The following ACACA variants were observed in gnomAD, a reference collection of about 807,000 sequenced individuals.
ACACA encodes acetyl-CoA carboxylase 1.
In ACACA, 103 loss-of-function variants were observed where a neutral mutation model predicts 296.1. The ratio of observed to expected loss-of-function variants is 0.35; its 90% CI spans 0.30 to 0.41. The LOEUF (loss-of-function observed/expected upper bound fraction) is 0.41. ACACA is among the 10% of genes least tolerant of loss of function. ACACA has a pLI of 1.00. For missense variants in ACACA, 1,554 were observed against 2,989.7 expected (o/e 0.52, Z 11.20); for synonymous variants, 953 against 1,038.6 (o/e 0.92, Z 1.58).
At chr17:37,150,889 T>C (rs1175359638) in intron 44 of ACACA, among the ~76,000 whole-genome samples, 1 of 151,154 alleles carries the variant, frequency 6.6e-6, no homozygotes, top group Non-Finnish European at 1.5e-5. Context: ...CCGGCTCTAT[T>C]AAAAATATGA....
intron 3 of ACACA, among the ~76,000 whole-genome samples, chr17:37,321,715 T>C (rs1289757890): frequency 6.8e-6 from 1 of 146,998 alleles, no homozygotes; most frequent in Admixed American, 6.8e-5. Flanking sequence ...GCCACTGCCC[T>C]CCAGCCTGGG....
At chr17:37,296,512 A>G (rs933064922) in intron 3 of ACACA, among the ~76,000 whole-genome samples, 2 of 151,372 alleles carry the variant, frequency 1.3e-5, no homozygotes, top group South Asian at 2.1e-4. Flanking sequence ...TCACCATGTT[A>G]GCCAGGATGG....
At chr17:37,363,602 G>T (rs1185715860) in intron 1 of ACACA, among the ~76,000 whole-genome samples, 1 of 152,130 alleles carries the variant, frequency 6.6e-6, no homozygotes, top group Non-Finnish European at 1.5e-5. Flanking sequence ...GAACAACAAG[G>T]CCTTCAATAC....
At chr17:37,371,075 A>AT (rs915398438) in intron 1 of ACACA, among the ~76,000 whole-genome samples, 2 of 151,848 alleles carry the variant, frequency 1.3e-5, no homozygotes, top group African/African-American at 4.8e-5. Flanking sequence ...AGAGAGTTCA[A>AT]TTTTTTTGTT....
Position 37,248,579 on chromosome 17 carries a change from G to A in ACACA, c.2163+14C>T. 1.3e-6 allele frequency: 2 copies of A among 1,572,304 alleles called. No homozygotes were observed. The highest frequency in any genetic ancestry group is 1.7e-6 in the Non-Finnish European group (2 of 1,142,954). On this transcript the variant is annotated intron_variant, in intron 17 of 55. Coordinates refer to ENST00000616317, the MANE Select transcript of ACACA (RefSeq NM_198834.3). ...AAAAAAGTAAGGTGCAAGCTCCAAT[G>A]GGGTTCTGCATACCTTAAGTACATA...
At chr17:37,274,968 G>A (rs1032145989) in intron 8 of ACACA, among the ~76,000 whole-genome samples, 12 of 145,222 alleles carry the variant, frequency 8.3e-5, no homozygotes, top group Middle Eastern at 3.4e-3. Flanking sequence ...TGTTCCCAGT[G>A]CTTGAGTACT....
chr17:37,399,861 A>G (rs2051220676), intron 1 of ACACA, among the ~76,000 whole-genome samples: 1 of 152,160 alleles, frequency 6.6e-6, no homozygotes, highest in African/African-American at 2.4e-5. Context: ...TTTATAAATA[A>G]TGTTCTAAGA....
At chr17:37,268,725 C>A (rs62069552) in intron 10 of ACACA, among the ~76,000 whole-genome samples, 1,189 of 111,528 alleles carry the variant, frequency 0.011, 16 homozygotes, top group East Asian at 0.049. Flanking sequence ...ATCTATCTAT[C>A]TATCTATCTA....
chr17:37,336,068 G>T (rs1221332594), intron 2 of ACACA, among the ~76,000 whole-genome samples: 2 of 152,094 alleles, frequency 1.3e-5, no homozygotes, highest in African/African-American at 4.8e-5. Context: ...TTTGGACCCT[G>T]TATCTTTAAC....
At chr17:37,237,783 CTG>C (rs2080183615) in intron 24 of ACACA, among the ~76,000 whole-genome samples, 1 of 151,938 alleles carries the variant, frequency 6.6e-6, no homozygotes, top group Admixed American at 6.6e-5. Flanking sequence ...TTTTTGGAGA[CTG>C]TGTCCTGCTC....
chr17:37,212,595 A>G (rs1481791620), intron 29 of ACACA, among the ~76,000 whole-genome samples: 1 of 152,110 alleles, frequency 6.6e-6, no homozygotes, highest in Non-Finnish European at 1.5e-5. Flanking sequence ...CTGTCTATTA[A>G]CAGATAAATA....
At chr17:37,118,143 C>G (rs1156785422) in intron 50 of ACACA, among the ~76,000 whole-genome samples, 1 of 152,156 alleles carries the variant, frequency 6.6e-6, no homozygotes, top group Non-Finnish European at 1.5e-5. Flanking sequence ...TCTATCTTCC[C>G]TAAGTCTTAT....
At chr17:37,309,012 T>C (rs1017020422) in intron 3 of ACACA, among the ~76,000 whole-genome samples, 3 of 152,174 alleles carry the variant, frequency 2.0e-5, no homozygotes, top group African/African-American at 7.2e-5. Context: ...TTCACAAGTA[T>C]TTATTTTATG....
chr17:37,389,756 C>G lies in ACACA; in HGVS notation c.38+16506G>C, dbSNP rs1004000003. Among the ~76,000 whole-genome samples the G allele has an allele frequency of 3.3e-5, 5 of 151,730 alleles. No homozygotes were observed. The East Asian group carries it at 9.7e-4, about 29-fold the overall frequency. On this transcript the variant is annotated intron_variant, in intron 1 of 55. Transcript: ENST00000616317. ...TATATAAGTGCTAGGAGATTCGTCC[C>G]TAAGAGGACTGTGAAAAAATATTTT...
chr17:37,236,235 A>G (rs529442167), intron 24 of ACACA, among the ~76,000 whole-genome samples: 1 of 152,206 alleles, frequency 6.6e-6, no homozygotes, highest in Non-Finnish European at 1.5e-5. Flanking sequence ...AAATAAAATT[A>G]TATTTGAAAA....
At chr17:37,143,585 C>G (rs762539685) in intron 45 of ACACA, 1 of 700,062 alleles carries the variant, frequency 1.4e-6, no homozygotes, top group Non-Finnish European at 2.3e-6. Flanking sequence ...TCTTACACAG[C>G]CTTACATTTC....
intron 1 of ACACA, chr17:37,376,144 A>G (rs2049992698): frequency 1.2e-6 from 2 of 1,610,722 alleles, no homozygotes; most frequent in African/African-American, 2.7e-5. Context: ...TGATGCCAAC[A>G]AGAAAGGTAT....
At chr17:37,277,705 G>A (rs995976811) in intron 6 of ACACA, among the ~76,000 whole-genome samples, 191 bp downstream of exon 6, 4 of 152,132 alleles carry the variant, frequency 2.6e-5, no homozygotes, top group Non-Finnish European at 4.4e-5. Context: ...TTTGTATTAC[G>A]TTTACTTTAT....
At position 37,179,282 on chromosome 17, in the gene ACACA, T is replaced by C; in HGVS notation, c.5057A>G (p.Asn1686Ser). Reference protein sequence around the residue: ...LDDQGQLVHMNRLPGGNEIGM... With the variant: ...LDDQGQLVHMSRLPGGNEIGM... ...TGCCTCATTTCCTCCTGGAAGCCTG[T>C]TCATGTGGACCAGCTGACCTTGATC... The change falls in exon 41 of 56, where the codon AAC (asparagine) becomes AGC (serine). Residue 1686 changes from asparagine to serine, a missense_variant. Physicochemically the swap from Asn to Ser is conservative, Grantham distance 46. This residue lies in a region of ACACA where 553 missense variants were observed against 1,043.6 expected (regional missense o/e 0.53). Coordinates refer to ENST00000616317, the MANE Select transcript of ACACA (RefSeq NM_198834.3). The C allele has an allele frequency of 6.2e-7, 1 of 1,614,090 alleles. No homozygotes were observed.
Sources: allele counts gnomAD v4.1 joint callset (sites outside exome capture counted in the v4.1 genomes callset), GRCh38; gene constraint gnomAD v4.1.1; regional missense constraint gnomAD v4.1.1; transcripts MANE v1.5; gene names NCBI Gene and HGNC (gene_info 2026-07-23, HGNC 2026-07-21).